The following CES5A variants were observed in gnomAD, a reference collection of about 807,000 sequenced individuals.
CES5A encodes carboxylesterase 5A, also known as carboxylesterase 5.
In CES5A, 67 loss-of-function variants were observed where a neutral mutation model predicts 62.9. The ratio of observed to expected loss-of-function variants is 1.07; its 90% CI spans 0.88 to 1.31. CES5A has a LOEUF of 1.31. Among genes scored for constraint, CES5A ranks in the 50% most tolerant of loss-of-function variants. The pLI, the probability that CES5A is intolerant of heterozygous loss-of-function variation, is 0.00. For synonymous variants in CES5A, 296 were observed against 280.8 expected (o/e 1.05, Z -0.54); for missense variants, 748 against 708.5 (o/e 1.06, Z -0.63).
intron 1 of CES5A, among the ~76,000 whole-genome samples, chr16:55,901,715 C>T (rs2033992250): frequency 6.6e-6 from 1 of 152,178 alleles, no homozygotes; most frequent in Admixed American, 6.5e-5. Context: ...CCCAGCTTCC[C>T]CCTGACGGTT....
Position 55,904,545 on chromosome 16 carries a change from A to G in CES5A, c.-256+20778T>C, listed in dbSNP as rs28401751. On this transcript the variant is annotated intron_variant, in intron 1 of 12. Transcript: ENST00000518005. ...CCCTCAGGGTCAAATCTCTACTACT[A>G]TTACCACCACCTGACCAGTGATTAC... Among the ~76,000 whole-genome samples, 1,362 of 152,290 alleles carry G rather than the reference A, an allele frequency of 8.9e-3. 23 individuals carry two copies. Among genetic ancestry groups the G allele is most frequent in the African/African-American group, 0.031 (1,299 of 41,548 alleles).
intron 2 of CES5A, among the ~76,000 whole-genome samples, chr16:55,931,017 C>T (rs187458570): frequency 5.2e-3 from 790 of 152,312 alleles, no homozygotes; most frequent in Non-Finnish European, 8.4e-3. Flanking sequence ...TGGTGGATTA[C>T]CAATTAAGCC....
chr16:55,905,766 T>C (rs2034034969), intron 1 of CES5A, among the ~76,000 whole-genome samples: 1 of 152,164 alleles, frequency 6.6e-6, no homozygotes. Context: ...AGCACACAGA[T>C]AAAGTTGGGC....
chr16:55,938,040 A>G (rs920482625), intron 2 of CES5A, among the ~76,000 whole-genome samples: 23 of 152,154 alleles, frequency 1.5e-4, no homozygotes, highest in African/African-American at 5.6e-4. Flanking sequence ...ACCCACAACA[A>G]TTTTCTCCTC....
chr16:55,907,547 A>G (rs1221109976), intron 1 of CES5A, among the ~76,000 whole-genome samples: 2 of 152,192 alleles, frequency 1.3e-5, no homozygotes, highest in African/African-American at 4.8e-5. Flanking sequence ...GACAAAGTTA[A>G]TGCTAAGAAA....
At chr16:55,928,942 T>G (rs77478251), upstream of CES5A, among the ~76,000 whole-genome samples, 139 of 152,296 alleles carry the variant, frequency 9.1e-4, no homozygotes, top group African/African-American at 3.2e-3. Flanking sequence ...TCTTCTAGCA[T>G]GCGTCCAAGG....
chr16:55,951,103 C>CAAAAAAAAAAAAAAAAAA (rs55951124), intron 1 of CES5A, among the ~76,000 whole-genome samples: 8 of 44,374 alleles, frequency 1.8e-4, no homozygotes, highest in African/African-American at 9.8e-4. Context: ...GACTCCATCT[C>CAAAAAAAAAAAAAAAAAA]AAAAAAAAAA....
At chr16:55,890,298 T>C (rs2033863378) in intron 1 of CES5A, among the ~76,000 whole-genome samples, 1 of 152,092 alleles carries the variant, frequency 6.6e-6, no homozygotes. Flanking sequence ...GAAAATCACA[T>C]TACTTAATCT....
intron 2 of CES5A, among the ~76,000 whole-genome samples, chr16:55,932,880 G>A (rs565187049): frequency 1.3e-5 from 2 of 152,290 alleles, no homozygotes; most frequent in African/African-American, 4.8e-5. Flanking sequence ...ATGAATTTGG[G>A]GGATACAAAG....
upstream of CES5A, among the ~76,000 whole-genome samples, chr16:55,878,905 AC>A (rs1236860103): frequency 4.6e-5 from 5 of 107,732 alleles, no homozygotes; most frequent in Non-Finnish European, 7.6e-5. Flanking sequence ...CCATCACTGC[AC>A]CCTACCACTG....
intron 1 of CES5A, among the ~76,000 whole-genome samples, chr16:55,919,924 A>C (rs2034185559): frequency 6.6e-6 from 1 of 152,202 alleles, no homozygotes; most frequent in Non-Finnish European, 1.5e-5. Flanking sequence ...TATTATCCCT[A>C]TTCTCCAGAA....
Position 55,875,224 on chromosome 16 carries a change from G to C in CES5A, c.-3C>G. On this transcript the variant is annotated 5_prime_UTR_variant, in exon 1 of 13. Coordinates refer to ENST00000290567, the MANE Select transcript of CES5A (RefSeq NM_001143685.2). ...GGGTGCACCCAATTCCCACTCATTTGGCTGCCTGCCTGCACTCTGTGAACA... is the reference window on the plus strand; with the variant it reads ...GGGTGCACCCAATTCCCACTCATTTCGCTGCCTGCCTGCACTCTGTGAACA... The C allele has an allele frequency of 6.2e-7, 1 of 1,613,508 alleles. No homozygotes were observed. Among genetic ancestry groups the C allele is most frequent in the Non-Finnish European group, 8.5e-7 (1 of 1,179,768 alleles).
chr16:55,903,717 G>A (rs1324778534), intron 1 of CES5A, among the ~76,000 whole-genome samples: 3 of 152,198 alleles, frequency 2.0e-5, no homozygotes, highest in Non-Finnish European at 4.4e-5. Context: ...TACTCTCTCA[G>A]CAGTTTGAGA....
At chr16:55,878,028 G>C (rs536028767), upstream of CES5A, among the ~76,000 whole-genome samples, 1 of 152,194 alleles carries the variant, frequency 6.6e-6, no homozygotes, top group East Asian at 1.9e-4. Flanking sequence ...CACCTCCTTG[G>C]ACCTTGATGT....
chr16:55,861,312 T>C, intron 7 of CES5A, 100 bp downstream of exon 7: 3 of 691,260 alleles, frequency 4.3e-6, no homozygotes, highest in Non-Finnish European at 7.7e-6. Flanking sequence ...CCTCCTCTTT[T>C]CTATGTTCCA....
At chr16:55,935,671 A>AT (rs1398642044) in intron 2 of CES5A, among the ~76,000 whole-genome samples, 3 of 152,072 alleles carry the variant, frequency 2.0e-5, no homozygotes, top group Non-Finnish European at 4.4e-5. Context: ...GTTCTATACC[A>AT]TTTTTAAACT....
upstream of CES5A, among the ~76,000 whole-genome samples, chr16:55,876,740 T>C (rs1344176119): frequency 6.6e-6 from 1 of 152,200 alleles, no homozygotes; most frequent in Non-Finnish European, 1.5e-5. Flanking sequence ...GTGGTTGGGC[T>C]AAGAGAGATC....
At chr16:55,882,225 C>T (rs1309567839) in intron 1 of CES5A, among the ~76,000 whole-genome samples, 6 of 152,130 alleles carry the variant, frequency 3.9e-5, no homozygotes, top group African/African-American at 1.2e-4. Flanking sequence ...TATAAACATA[C>T]CCCCAGTCCT....
intron 2 of CES5A, among the ~76,000 whole-genome samples, chr16:55,946,523 C>A (rs1261435866): frequency 6.6e-6 from 1 of 152,224 alleles, no homozygotes; most frequent in African/African-American, 2.4e-5. Flanking sequence ...CTGTTGCAGT[C>A]TCTCAGTTCC....
Sources: allele counts gnomAD v4.1 joint callset (sites outside exome capture counted in the v4.1 genomes callset), GRCh38; gene constraint gnomAD v4.1.1; transcripts MANE v1.5; gene names NCBI Gene and HGNC (gene_info 2026-07-23, HGNC 2026-07-21).